The following IL1RAPL2 variants were observed in gnomAD, a reference collection of about 807,000 sequenced individuals.
IL1RAPL2 encodes the protein X-linked interleukin-1 receptor accessory protein-like 2.
IL1RAPL2 carries 3 observed loss-of-function variants against 44.1 expected under a neutral mutation model. The ratio of observed to expected loss-of-function variants is 0.07; its 90% CI spans 0.03 to 0.18. IL1RAPL2 has a LOEUF of 0.18. Ranked by LOEUF, IL1RAPL2 falls within the 10% of genes least tolerant of loss-of-function variation. IL1RAPL2 has a pLI of 1.00. For synonymous variants in IL1RAPL2, 181 were observed against 178.8 expected, an observed-to-expected ratio of 1.01 and a Z score of -0.10; for missense variants, 391 against 496.4, an observed-to-expected ratio of 0.79 and a Z score of 2.02.
intron 5 of IL1RAPL2, among the ~76,000 whole-genome samples, chrX:105,382,672 T>G (rs1296532863): frequency 9.5e-6 from 1 of 105,765 alleles, no homozygotes; most frequent in Non-Finnish European, 1.9e-5. Flanking sequence ...CATGCACACA[T>G]ATGTTTATTG....
At chrX:104,813,094 A>G (rs922491983) in intron 2 of IL1RAPL2, among the ~76,000 whole-genome samples, 3 of 112,206 alleles carry the variant, frequency 2.7e-5, no homozygotes, top group Non-Finnish European at 3.8e-5. Flanking sequence ...TTCCTTGATT[A>G]CGTGAATGTT....
intron 2 of IL1RAPL2, among the ~76,000 whole-genome samples, chrX:104,882,042 C>T (rs1465744484): frequency 8.9e-6 from 1 of 112,337 alleles, no homozygotes; most frequent in African/African-American, 3.2e-5. Flanking sequence ...ATTTGGTCAA[C>T]AGGCATATAT....
At chrX:104,695,231 G>A (rs958711843) in intron 2 of IL1RAPL2, among the ~76,000 whole-genome samples, 5 of 112,038 alleles carry the variant, frequency 4.5e-5, no homozygotes, top group African/African-American at 1.3e-4. Flanking sequence ...CTGGACTTCT[G>A]AGGGAAGAAA....
intron 5 of IL1RAPL2, among the ~76,000 whole-genome samples, chrX:105,421,607 GA>G (rs2035774485): frequency 9.0e-6 from 1 of 111,333 alleles, no homozygotes; most frequent in South Asian, 3.8e-4. Flanking sequence ...TCATGTTTAT[GA>G]AGAGAAAATA....
intron 6 of IL1RAPL2, 48 bp downstream of exon 6, chrX:105,484,435 A>G (rs1478477058): frequency 2.2e-5 from 19 of 866,923 alleles, no homozygotes; most frequent in Non-Finnish European, 2.7e-5. Flanking sequence ...CCCTCTGTTA[A>G]CAGATGGGGA....
intron 6 of IL1RAPL2, among the ~76,000 whole-genome samples, chrX:105,702,793 A>T (rs1257500299): frequency 1.8e-5 from 2 of 111,773 alleles, no homozygotes. Context: ...AATATATAAG[A>T]TTTTCAAAAA....
At chrX:105,694,863 A>G (rs1444067379) in intron 6 of IL1RAPL2, among the ~76,000 whole-genome samples, 3 of 111,523 alleles carry the variant, frequency 2.7e-5, no homozygotes, top group Non-Finnish European at 5.7e-5. Context: ...ACTACACATA[A>G]TATGATGAAT....
intron 8 of IL1RAPL2, 38 bp downstream of exon 8, chrX:105,740,729 C>G: frequency 9.1e-7 from 1 of 1,101,393 alleles, no homozygotes. Context: ...GTTTGCTTAG[C>G]TATCAACAAC....
At chrX:105,026,791 C>A (rs773461930) in intron 2 of IL1RAPL2, among the ~76,000 whole-genome samples, 1 of 110,189 alleles carries the variant, frequency 9.1e-6, no homozygotes, top group South Asian at 3.8e-4. Context: ...TTAAATGCAA[C>A]CCCTATAAAA....
At chrX:105,311,637 CACACAT>C (rs1219672999) in intron 5 of IL1RAPL2, among the ~76,000 whole-genome samples, 2 of 97,866 alleles carry the variant, frequency 2.0e-5, no homozygotes, top group African/African-American at 9.6e-5. Flanking sequence ...CACACACACA[CACACAT>C]ATATATATAT....
intron 2 of IL1RAPL2, among the ~76,000 whole-genome samples, chrX:104,961,737 T>A (rs887856938): frequency 8.9e-6 from 1 of 112,189 alleles, no homozygotes; most frequent in Non-Finnish European, 1.9e-5. Context: ...CCCACTGGAA[T>A]GTAAGAGCAG....
Position 105,505,067 on chromosome X carries a change from G to A in IL1RAPL2, c.772+20680G>A, listed in dbSNP as rs192594500. On this transcript the variant is annotated intron_variant, in intron 6 of 10. Coordinates refer to ENST00000372582, the MANE Select transcript of IL1RAPL2 (RefSeq NM_017416.2). ...TGGTTTAGTTCTTGTTCTGTCTAGA[G>A]CCATAAAATGACCCTACCCTCCCTT... Among the ~76,000 whole-genome samples, 577 of 111,375 alleles carry A rather than the reference G, an allele frequency of 5.2e-3. 2 individuals are homozygous for A. Among genetic ancestry groups the A allele is most frequent in the Non-Finnish European group, 7.2e-3 (383 of 52,909 alleles).
chrX:105,329,353 C>G (rs958155869), intron 5 of IL1RAPL2, among the ~76,000 whole-genome samples: 15 of 111,593 alleles, frequency 1.3e-4, no homozygotes, highest in African/African-American at 4.9e-4. Flanking sequence ...TTGTGTGGCC[C>G]AAGTCACATA....
intron 6 of IL1RAPL2, among the ~76,000 whole-genome samples, chrX:105,522,488 T>C (rs960110941): frequency 7.1e-5 from 8 of 112,063 alleles, no homozygotes; most frequent in African/African-American, 2.6e-4. Context: ...AGTAATTACA[T>C]TCCTGTAGTT....
At chrX:105,081,912 C>T (rs1241195741) in intron 2 of IL1RAPL2, among the ~76,000 whole-genome samples, 2 of 112,042 alleles carry the variant, frequency 1.8e-5, no homozygotes, top group East Asian at 5.6e-4. Context: ...CAAAGTTCAT[C>T]AGGGATATTG....
At chrX:104,714,854 T>C (rs773684304) in intron 2 of IL1RAPL2, among the ~76,000 whole-genome samples, 1 of 111,126 alleles carries the variant, frequency 9.0e-6, no homozygotes, top group East Asian at 2.9e-4. Context: ...TGAATAAGCT[T>C]TTTGATGTGC....
intron 6 of IL1RAPL2, among the ~76,000 whole-genome samples, chrX:105,640,737 GATATAGATAGAT>G (rs1308964569): frequency 7.2e-5 from 4 of 55,398 alleles, no homozygotes; most frequent in East Asian, 5.2e-4. Flanking sequence ...TATATATATA[GATATAGATAGAT>G]ATAGATATAG....
At chrX:105,675,461 G>A (rs113622258) in intron 6 of IL1RAPL2, among the ~76,000 whole-genome samples, 2 of 111,792 alleles carry the variant, frequency 1.8e-5, no homozygotes, top group East Asian at 2.8e-4. Flanking sequence ...GATGAATTAC[G>A]TTTATTGATT....
chrX:105,429,219 C>G (rs1203191051), intron 5 of IL1RAPL2, among the ~76,000 whole-genome samples: 1 of 111,478 alleles, frequency 9.0e-6, no homozygotes, highest in Non-Finnish European at 1.9e-5. Context: ...TGAAAATTAG[C>G]TTCAAGTTCT....
Sources: allele counts gnomAD v4.1 joint callset (sites outside exome capture counted in the v4.1 genomes callset), GRCh38; gene constraint gnomAD v4.1.1; transcripts MANE v1.5; gene names NCBI Gene and HGNC (gene_info 2026-07-23, HGNC 2026-07-21).